Variants in RHOT1 observed in about 807,000 individuals in gnomAD.
RHOT1 encodes the protein mitochondrial Rho GTPase 1.
A neutral mutation model predicts 95.3 loss-of-function variants in RHOT1; 27 were observed. The ratio of observed to expected loss-of-function variants is 0.28; its 90% confidence interval spans 0.21 to 0.39. The LOEUF is 0.39. Ranked by LOEUF, RHOT1 falls within the 10% of genes least tolerant of loss-of-function variation. The pLI is 1.00. For missense variants in RHOT1, 578 were observed against 786.7 expected (o/e 0.73, Z 3.17); for synonymous variants, 227 against 263.5 (o/e 0.86, Z 1.34).
At chr17:32,202,264 A>G (rs891046372) in intron 14 of RHOT1, among the ~76,000 whole-genome samples, 3 of 152,118 alleles carry the variant, frequency 2.0e-5, no homozygotes, top group African/African-American at 4.8e-5. Context: ...ATGATACAGC[A>G]TTGTTTTCTG....
intron 3 of RHOT1, 67 bp from the exon 4 acceptor site, chr17:32,175,252 T>G: frequency 7.5e-7 from 1 of 1,339,950 alleles, no homozygotes; most frequent in African/African-American, 1.4e-5. Context: ...TGCATAGAAT[T>G]TAGCTTGGCC....
At chr17:32,162,384 C>T (rs1377677424) in intron 1 of RHOT1, among the ~76,000 whole-genome samples, 1 of 152,176 alleles carries the variant, frequency 6.6e-6, no homozygotes, top group African/African-American at 2.4e-5. Context: ...TTATATCATT[C>T]CCTCCTTTAT....
chr17:32,218,852 A>T (rs2038652510), intron 19 of RHOT1, among the ~76,000 whole-genome samples: 1 of 152,176 alleles, frequency 6.6e-6, no homozygotes, highest in Admixed American at 6.5e-5. Context: ...AATTTACTGT[A>T]GTTTGGTGAC....
At chr17:32,178,650 C>G (rs1022708656) in intron 6 of RHOT1, among the ~76,000 whole-genome samples, 2 of 149,644 alleles carry the variant, frequency 1.3e-5, no homozygotes, top group African/African-American at 4.9e-5. Flanking sequence ...CCCGGCTGCC[C>G]ATCGTCTGGG....
At chr17:32,185,260 G>A (rs4619446) in intron 8 of RHOT1, among the ~76,000 whole-genome samples, 1,845 of 151,998 alleles carry the variant, frequency 0.012, 33 homozygotes, top group African/African-American at 0.042. Flanking sequence ...ATAGGCATGC[G>A]CCACTACACC....
intron 2 of RHOT1, among the ~76,000 whole-genome samples, chr17:32,171,453 A>G (rs1189840392): frequency 1.3e-5 from 2 of 152,260 alleles, no homozygotes; most frequent in Non-Finnish European, 1.5e-5. Flanking sequence ...TATAGGAGAA[A>G]TAACCAGCCT....
At position 32,145,119 on chromosome 17, in the gene RHOT1, A is replaced by G. The variant is rs973154437; in HGVS notation, c.37+2390A>G. On this transcript the variant is annotated intron_variant, in intron 1 of 19. Transcript: ENST00000545287. ...TGAGACCAGGAAACTGACCAACATG[A>G]CGAAACCCAGTCTCTACTAACAATA... Among the ~76,000 whole-genome samples, 2 of 152,112 alleles carry G rather than the reference A, an allele frequency of 1.3e-5. 1 individual carries two copies. The highest frequency in any genetic ancestry group is 4.1e-4 in the South Asian group (2 of 4,820).
intron 1 of RHOT1, among the ~76,000 whole-genome samples, chr17:32,164,728 A>C (rs1002587284): frequency 6.6e-6 from 1 of 150,984 alleles, no homozygotes; most frequent in African/African-American, 2.4e-5. Context: ...AGCCAGGTAT[A>C]TAGTAGTGCA....
At chr17:32,143,291 C>T (rs1191375821) in intron 1 of RHOT1, among the ~76,000 whole-genome samples, 1 of 149,096 alleles carries the variant, frequency 6.7e-6, no homozygotes, top group Non-Finnish European at 1.5e-5. Flanking sequence ...TCTTCACTCT[C>T]TCTATGTATT....
rs567824669 is a variant in RHOT1 at position 32,156,778 on chromosome 17, G to C, written c.37+14049G>C. ...GTCATACTGTTAATGGCAAAAGCCG[G>C]TTCCTGAATCCAGATTTTCTGGCCC... On this transcript the variant is annotated intron_variant, in intron 1 of 19. Transcript: ENST00000545287. 8.1e-4 allele frequency among the ~76,000 whole-genome samples: 124 copies of C among 152,364 alleles called. 1 individual carries two copies. The highest frequency in any genetic ancestry group is 2.0e-3 in the Admixed American group (31 of 15,306).
chr17:32,169,827 G>A (rs975188310), intron 1 of RHOT1, among the ~76,000 whole-genome samples: 12 of 151,942 alleles, frequency 7.9e-5, no homozygotes, highest in Admixed American at 3.9e-4. Context: ...GCGACATGAC[G>A]AAACCCTGTC....
At chr17:32,157,020 A>G (rs1213579672) in intron 1 of RHOT1, among the ~76,000 whole-genome samples, 1 of 152,254 alleles carries the variant, frequency 6.6e-6, no homozygotes, top group South Asian at 2.1e-4. Flanking sequence ...AAGTGCTGGA[A>G]CTAAGATTTC....
intron 6 of RHOT1, 122 bp from the exon 7 acceptor site, chr17:32,182,635 A>G: frequency 1.6e-6 from 1 of 625,486 alleles, no homozygotes; most frequent in Non-Finnish European, 2.7e-6. Context: ...CTGTAGAGAA[A>G]GGTTCATGTT....
chr17:32,209,966 G>A (rs1198513272), intron 18 of RHOT1, among the ~76,000 whole-genome samples: 1 of 151,756 alleles, frequency 6.6e-6, no homozygotes, highest in Non-Finnish European at 1.5e-5. Flanking sequence ...AAATGAAAAA[G>A]GAATGTCTTG....
chr17:32,167,289 A>G lies in RHOT1; in HGVS notation c.38-3754A>G, dbSNP rs565757101. 3.5e-4 allele frequency among the ~76,000 whole-genome samples: 53 copies of G among 151,760 alleles called. No individual in the cohort carries two copies. The South Asian group carries it at 6.8e-3, about 20-fold the overall frequency. On this transcript the variant is annotated intron_variant, in intron 1 of 19. Transcript: ENST00000545287. ...AATGTGCTGTCATCCAGGCTTTGTTATTCCATTTATAGAGCACAGGCAGAA... is the reference window on the plus strand; with the variant it reads ...AATGTGCTGTCATCCAGGCTTTGTTGTTCCATTTATAGAGCACAGGCAGAA...
At chr17:32,199,094 C>A in intron 12 of RHOT1, 63 bp downstream of exon 12, 1 of 1,255,320 alleles carries the variant, frequency 8.0e-7, no homozygotes, top group Non-Finnish European at 1.2e-6. Flanking sequence ...GATGATATAA[C>A]TCTGTTCCCT....
At chr17:32,185,144 C>T (rs2035937236) in intron 8 of RHOT1, among the ~76,000 whole-genome samples, 1 of 151,706 alleles carries the variant, frequency 6.6e-6, no homozygotes, top group Admixed American at 6.6e-5. Context: ...GAGTTTCGCT[C>T]TTGTTGCCCA....
rs2035889287 is a variant in RHOT1, at chr17:32,184,557, C to A, written c.540+1285C>A. 2.0e-5 allele frequency among the ~76,000 whole-genome samples: 3 copies of A among 148,850 alleles called. No homozygotes were observed. The South Asian group carries it at 6.4e-4, about 32-fold the overall frequency. ...CCAGGCTGGAGAGCAGTGGTGTGAT[C>A]ACAGCTCACTGCAGCCTCAAGCTCC... On this transcript the variant is annotated intron_variant, in intron 8 of 19. Transcript: ENST00000545287.
chr17:32,176,092 G>A lies in RHOT1; in HGVS notation c.277-69G>A, dbSNP rs1039737044. On this transcript the variant is annotated intron_variant, in intron 5 of 19. Transcript: ENST00000545287. ...AGTTGATTCTCAGTTTAGAATTTTAGGGGTCTAAGGGAAGAGTGTTTTGTA... is the reference window on the plus strand; with the variant it reads ...AGTTGATTCTCAGTTTAGAATTTTAAGGGTCTAAGGGAAGAGTGTTTTGTA... The A allele has an allele frequency of 2.5e-6, 4 of 1,573,788 alleles. No individual in the cohort carries two copies. In the African/African-American group the frequency reaches 4.1e-5, roughly 16 times the overall value.
Sources: gnomAD v4.1 joint callset for allele counts (sites outside exome capture counted in the v4.1 genomes callset) on GRCh38, gnomAD v4.1.1 for gene constraint, MANE v1.5 for transcripts, NCBI Gene and HGNC (gene_info 2026-07-23, HGNC 2026-07-21) for gene names.